ARL3: variants seen among roughly 807,000 people sequenced by gnomAD.
ARL3 encodes the protein ADP-ribosylation factor-like protein 3.
ARL3 carries 9 observed loss-of-function variants against 26.0 expected under a neutral mutation model. The observed-to-expected ratio is 0.35, with a 90% CI of 0.21 to 0.60. The LOEUF (loss-of-function observed/expected upper bound fraction) is 0.60. ARL3 is among the 20% of genes least tolerant of loss of function. The probability of loss-of-function intolerance (pLI) is 0.78; values close to 1 mark genes in which losing one functional copy is unlikely to be tolerated. For synonymous variants in ARL3, 71 were observed against 78.4 expected (o/e 0.91, Z 0.50); for missense variants, 158 against 215.7 (o/e 0.73, Z 1.67).
intron 1 of ARL3, among the ~76,000 whole-genome samples, chr10:102,708,954 G>A (rs1297010556): frequency 7.0e-6 from 1 of 143,408 alleles, no homozygotes; most frequent in African/African-American, 2.6e-5. Flanking sequence ...TGCCAGGCTG[G>A]AGTACAGTGG....
At chr10:102,682,524 T>A (rs1307993586) in intron 5 of ARL3, among the ~76,000 whole-genome samples, 5 of 152,152 alleles carry the variant, frequency 3.3e-5, no homozygotes, top group Non-Finnish European at 5.9e-5. Context: ...GACCCTGAAA[T>A]CCATCCCAGG....
intron 1 of ARL3, among the ~76,000 whole-genome samples, chr10:102,707,041 T>G (rs1227134271): frequency 6.7e-6 from 1 of 150,134 alleles, no homozygotes; most frequent in South Asian, 2.2e-4. Flanking sequence ...ACGCCTATAA[T>G]CCCAGCACTT....
At chr10:102,679,139 C>G (rs1375569552) in intron 5 of ARL3, among the ~76,000 whole-genome samples, 1 of 152,146 alleles carries the variant, frequency 6.6e-6, no homozygotes, top group Non-Finnish European at 1.5e-5. Context: ...CAGAAGAGAA[C>G]TGGGCTGGAG....
chr10:102,705,477 T>C lies in ARL3; in HGVS notation c.16A>G (p.Ile6Val), dbSNP rs1379413112. The C allele has an allele frequency of 1.3e-6, 2 of 1,597,122 alleles. No individual in the cohort carries two copies. Among genetic ancestry groups the C allele is most frequent in the Non-Finnish European group, 1.7e-6 (2 of 1,166,340 alleles). ...GGTGCACTTTTCAACTTGCGCAAAA[T>C]TGAGAGCAAGCCCTTCAACAACCAC... The part of the protein sequence containing the change: MGLLS[I>V]LRKLKSAPDQ... Residue 6 changes from isoleucine (I) to valine (V), a missense_variant, in exon 2 of 6, where the codon ATT becomes GTT. Physicochemically the swap from Ile to Val is conservative, Grantham distance 29. Transcript: ENST00000260746.
intron 1 of ARL3, among the ~76,000 whole-genome samples, chr10:102,708,633 G>A (rs1218175115): frequency 6.6e-6 from 1 of 151,802 alleles, no homozygotes; most frequent in Non-Finnish European, 1.5e-5. Flanking sequence ...GAGGTGGGTG[G>A]ATCACTTGAG....
chr10:102,708,209 T>A (rs893549253), intron 1 of ARL3, among the ~76,000 whole-genome samples: 7 of 152,134 alleles, frequency 4.6e-5, no homozygotes, highest in African/African-American at 1.7e-4. Context: ...TGGTCTTGAA[T>A]ACTTTGACAG....
intron 5 of ARL3, among the ~76,000 whole-genome samples, chr10:102,679,960 CT>C (rs200773515): frequency 2.6e-5 from 4 of 151,336 alleles, no homozygotes; most frequent in Non-Finnish European, 4.4e-5. Context: ...GCAAGGAAGG[CT>C]TTTTTTTTGA....
chr10:102,680,633 C>A (rs1344213762), intron 5 of ARL3, among the ~76,000 whole-genome samples: 2 of 152,206 alleles, frequency 1.3e-5, no homozygotes, highest in Non-Finnish European at 2.9e-5. Flanking sequence ...TGGTCTCTGA[C>A]TATGCTGCTC....
intron 5 of ARL3, among the ~76,000 whole-genome samples, chr10:102,678,977 C>T (rs978047372): frequency 6.6e-6 from 1 of 152,252 alleles, no homozygotes; most frequent in Non-Finnish European, 1.5e-5. Flanking sequence ...TGACCCCCGG[C>T]CTGGGCCCCT....
chr10:102,705,449 T>C lies in ARL3; in HGVS notation c.44A>G (p.Asp15Gly). Reference sequence around the variant, plus strand: ...CAGGAGAAGTATTCTCACCTCCTGGTCTGGTGCACTTTTCAACTTGCGCAA... The same window carrying C: ...CAGGAGAAGTATTCTCACCTCCTGGCCTGGTGCACTTTTCAACTTGCGCAA... The part of the protein sequence containing the change: ...SILRKLKSAP[D>G]QEVRILLLGL... The change falls in exon 2 of 6, where the codon GAC (aspartate) becomes GGC (glycine). Residue 15 changes from aspartate to glycine, a missense_variant. By Grantham distance (94) the Asp-to-Gly change is moderately conservative. Transcript: ENST00000260746. The C allele has an allele frequency of 1.9e-6, 3 of 1,606,646 alleles. No homozygotes were observed. Among genetic ancestry groups the C allele is most frequent in the Non-Finnish European group, 2.6e-6 (3 of 1,173,980 alleles).
At chr10:102,692,690 A>C (rs1474034326) in intron 3 of ARL3, among the ~76,000 whole-genome samples, 1 of 151,390 alleles carries the variant, frequency 6.6e-6, no homozygotes, top group Non-Finnish European at 1.5e-5. Context: ...TGCTGGGATT[A>C]CAGGTGTGAG....
In ARL3 at chr10:102,708,886, T is replaced by TAATATATATATATATATATATA. The variant is rs60736499; in HGVS notation, c.4-3398_4-3397insTATATATATATATATATATATT. Among the ~76,000 whole-genome samples, 6 of 90,472 alleles carry TAATATATATATATATATATATA rather than the reference T, an allele frequency of 6.6e-5. 1 individual carries two copies. The highest frequency in any genetic ancestry group is 2.8e-4 in the African/African-American group (6 of 21,106). The allele number at this position is 90,472 out of a possible 152,430, so 59.4% of individuals were successfully genotyped here. ...CAAAAACAAAAAATAAAACCATATA[T>TAATATATATATATATATATATA]TATATATATATATATATATATATTT... On this transcript the variant is annotated intron_variant, in intron 1 of 5. Transcript: ENST00000260746.
intron 3 of ARL3, among the ~76,000 whole-genome samples, chr10:102,692,752 A>G (rs1279790331): frequency 2.0e-5 from 3 of 151,894 alleles, no homozygotes; most frequent in African/African-American, 4.8e-5. Context: ...TCTGTCACCC[A>G]GGCTGGAGTG....
At chr10:102,709,327 A>G (rs1357791760) in intron 1 of ARL3, among the ~76,000 whole-genome samples, 3 of 151,360 alleles carry the variant, frequency 2.0e-5, no homozygotes, top group Non-Finnish European at 4.4e-5. Flanking sequence ...CACTCATTAC[A>G]TTTGATATTA....
At chr10:102,678,757 C>G (rs2064142026) in intron 5 of ARL3, among the ~76,000 whole-genome samples, 1 of 152,242 alleles carries the variant, frequency 6.6e-6, no homozygotes, top group African/African-American at 2.4e-5. Context: ...AATATTTACT[C>G]AGCTGCAGGA....
chr10:102,714,098 C>A (rs1246505453), intron 1 of ARL3, among the ~76,000 whole-genome samples, 175 bp downstream of exon 1: 1 of 152,264 alleles, frequency 6.6e-6, no homozygotes, highest in Admixed American at 6.5e-5. Context: ...GGCCTCCCTC[C>A]AGGGCCCACC....
At position 102,705,347 on chromosome 10, in the gene ARL3, T is replaced by C. The variant is rs772737222; in HGVS notation, c.146A>G (p.Gln49Arg). Reference protein sequence around the residue: ...SEDISHITPTQGFNIKSVQSQ... With the variant: ...SEDISHITPTRGFNIKSVQSQ... Reference sequence around the variant, plus strand: ...ATCTGGAGCCAAGGCAGTGCTCACCTGTGTAGGTGTGATGTGGCTGATGTC... The same window carrying C: ...ATCTGGAGCCAAGGCAGTGCTCACCCGTGTAGGTGTGATGTGGCTGATGTC... The change falls in exon 2 of 6, where the codon CAG becomes CGG. Residue 49 changes from glutamine to arginine, a missense_variant and splice_region_variant. Physicochemically the swap from Gln to Arg is conservative, Grantham distance 43. Transcript: ENST00000260746. 6.3e-7 allele frequency: 1 copy of C among 1,589,540 alleles called. No individual in the cohort carries two copies. The highest frequency in any genetic ancestry group is 1.3e-5 in the African/African-American group (1 of 74,646).
At chr10:102,691,685 G>A (rs1035446480) in intron 3 of ARL3, among the ~76,000 whole-genome samples, 1 of 152,172 alleles carries the variant, frequency 6.6e-6, no homozygotes, top group African/African-American at 2.4e-5. Flanking sequence ...GCTCTATAAA[G>A]CAAGATTTGA....
chr10:102,678,843 C>T (rs763892673), intron 5 of ARL3, among the ~76,000 whole-genome samples: 4 of 152,232 alleles, frequency 2.6e-5, no homozygotes, highest in Admixed American at 2.0e-4. Flanking sequence ...AGGGTTCAAA[C>T]GGCAGAGCCC....
Sources: allele counts gnomAD v4.1 joint callset (sites outside exome capture counted in the v4.1 genomes callset), GRCh38; gene constraint gnomAD v4.1.1; transcripts MANE v1.5; gene names NCBI Gene and HGNC (gene_info 2026-07-23, HGNC 2026-07-21).